Variants in ANK3 observed in about 807,000 individuals in gnomAD.
The protein encoded by ANK3 is ankyrin 3.
In ANK3, 57 loss-of-function variants were observed where a neutral mutation model predicts 370.9. The ratio of observed to expected loss-of-function variants is 0.15; its 90% CI spans 0.12 to 0.19. ANK3 has a LOEUF of 0.19. Ranked by LOEUF, ANK3 falls within the 10% of genes least tolerant of loss-of-function variation. The probability of loss-of-function intolerance (pLI) is 1.00; values close to 1 mark genes in which losing one functional copy is unlikely to be tolerated. For synonymous variants in ANK3, 1,929 were observed against 1,946.3 expected, an observed-to-expected ratio of 0.99 and a Z score of 0.23; for missense variants, 4,439 against 5,302.1, an observed-to-expected ratio of 0.84 and a Z score of 5.06.
intron 27 of ANK3, among the ~76,000 whole-genome samples, chr10:60,107,063 T>C (rs1418279255): frequency 6.6e-6 from 1 of 152,110 alleles, no homozygotes; most frequent in Non-Finnish European, 1.5e-5. Flanking sequence ...GATCAAATAA[T>C]ATAAATAAAA....
At position 60,072,241 on chromosome 10, in the gene ANK3, C is replaced by T. The variant is rs752380515; in HGVS notation, c.8640G>A (p.Glu2880=). 7.4e-6 allele frequency: 12 copies of T among 1,613,936 alleles called. No homozygotes were observed. The highest frequency in any genetic ancestry group is 1.7e-5 in the Admixed American group (1 of 59,984). Residue 2880 remains glutamate, a synonymous_variant, in exon 37 of 44, where the codon GAG becomes GAA. Transcript: ENST00000280772. ...TACTCTCAGGGTGACCAATGTGATTCTCTCTTACATCATGAACAAGTACAT... is the reference window on the plus strand; with the variant it reads ...TACTCTCAGGGTGACCAATGTGATTTTCTCTTACATCATGAACAAGTACAT... ...LSHVLVHDVR[E]NHIGHPESKS... is the part of the protein sequence containing the mutation.
chr10:60,574,663 T>C (rs1459660328), intron 2 of ANK3, among the ~76,000 whole-genome samples: 1 of 152,226 alleles, frequency 6.6e-6, no homozygotes, highest in Non-Finnish European at 1.5e-5. Flanking sequence ...CTACCGCTCA[T>C]TGACTTCAAT....
chr10:60,716,186 G>GT (rs1460178697), intron 1 of ANK3, among the ~76,000 whole-genome samples: 2 of 134,166 alleles, frequency 1.5e-5, no homozygotes, highest in Non-Finnish European at 3.3e-5. Context: ...ATCCAAGAAA[G>GT]TTAAAAAAAA....
chr10:60,693,040 T>C (rs923913579), intron 1 of ANK3, among the ~76,000 whole-genome samples: 2 of 152,172 alleles, frequency 1.3e-5, no homozygotes, highest in Admixed American at 6.5e-5. Flanking sequence ...GGTCAGTGGG[T>C]GCAGTGCACC....
intron 26 of ANK3, among the ~76,000 whole-genome samples, chr10:60,113,336 C>A (rs1391017976): frequency 6.6e-6 from 1 of 152,038 alleles, no homozygotes; most frequent in Admixed American, 6.6e-5. Context: ...AAAGGAAAAT[C>A]ACACAAATCA....
intron 18 of ANK3, among the ~76,000 whole-genome samples, chr10:60,174,931 G>C (rs1373300214): frequency 6.6e-6 from 1 of 152,020 alleles, no homozygotes; most frequent in African/African-American, 2.4e-5. Flanking sequence ...TGTTGCCTAG[G>C]CTGGTCTCAA....
chr10:60,257,870 C>T (rs77470191), intron 7 of ANK3, among the ~76,000 whole-genome samples: 8,093 of 152,230 alleles, frequency 0.053, 364 homozygotes, highest in African/African-American at 0.12. Flanking sequence ...GCAAGACTAA[C>T]AGAAGAATGC....
At chr10:60,439,372 A>G (rs1340235045) in intron 2 of ANK3, among the ~76,000 whole-genome samples, 1 of 152,168 alleles carries the variant, frequency 6.6e-6, no homozygotes. Context: ...AATAACACAT[A>G]ATAGGCTGGG....
intron 1 of ANK3, among the ~76,000 whole-genome samples, chr10:60,620,778 C>G (rs538496526): frequency 9.9e-5 from 15 of 151,924 alleles, no homozygotes; most frequent in Non-Finnish European, 1.6e-4. Context: ...ACCACTTGTT[C>G]TTTTAAAGTA....
At chr10:60,671,237 T>A (rs567700241) in intron 1 of ANK3, among the ~76,000 whole-genome samples, 2 of 152,342 alleles carry the variant, frequency 1.3e-5, no homozygotes, top group East Asian at 3.9e-4. Context: ...CCTCCCCACC[T>A]GTCCCTCACC....
intron 2 of ANK3, among the ~76,000 whole-genome samples, chr10:60,439,253 T>G (rs1375561308): frequency 6.6e-6 from 1 of 152,234 alleles, no homozygotes; most frequent in South Asian, 2.1e-4. Flanking sequence ...GGTGGCTCCC[T>G]GTAGCTAACT....
intron 8 of ANK3, among the ~76,000 whole-genome samples, chr10:60,234,048 G>A (rs1275413370): frequency 6.6e-6 from 1 of 152,062 alleles, no homozygotes; most frequent in South Asian, 2.1e-4. Context: ...TGTCCTCAAG[G>A]TTCATCAATG....
intron 2 of ANK3, among the ~76,000 whole-genome samples, chr10:60,419,068 G>A (rs986940825): frequency 2.6e-5 from 4 of 152,054 alleles, no homozygotes; most frequent in African/African-American, 9.7e-5. Context: ...GTCTTAAATG[G>A]CTAATGTGTG....
chr10:60,162,011 A>G (rs1320765005), intron 23 of ANK3, among the ~76,000 whole-genome samples: 1 of 152,192 alleles, frequency 6.6e-6, no homozygotes, highest in South Asian at 2.1e-4. Flanking sequence ...TCAAAATATC[A>G]CATATACCCC....
At position 60,512,189 on chromosome 10, in the gene ANK3, A is replaced by G. The variant is rs370585749; in HGVS notation, c.96+102997T>C. On this transcript the variant is annotated intron_variant, in intron 2 of 43. Transcript: ENST00000373827. ...ATTTTCATCTCCCAGAAGTCAGGGA[A>G]GTAAATAAAACAAAACAAAAACCAA... Among the ~76,000 whole-genome samples, 27 of 152,256 alleles carry G rather than the reference A, an allele frequency of 1.8e-4. 1 individual carries two copies. Among genetic ancestry groups the G allele is most frequent in the Middle Eastern group, 3.4e-3 (1 of 294 alleles).
chr10:60,523,653 T>C (rs2076403454), intron 2 of ANK3, among the ~76,000 whole-genome samples: 1 of 152,060 alleles, frequency 6.6e-6, no homozygotes. Flanking sequence ...GTTGGACATT[T>C]GGGTTGGTTC....
chr10:60,648,639 G>A (rs1029872923), intron 1 of ANK3, among the ~76,000 whole-genome samples: 2 of 151,048 alleles, frequency 1.3e-5, no homozygotes, highest in African/African-American at 2.4e-5. Flanking sequence ...GTGTGGTGGC[G>A]TGTGCCTGTA....
At chr10:60,414,711 T>C (rs1003720021) in intron 2 of ANK3, among the ~76,000 whole-genome samples, 22 of 152,202 alleles carry the variant, frequency 1.4e-4, no homozygotes, top group African/African-American at 5.3e-4. Context: ...TATATATTAC[T>C]GGATGTCCAA....
chr10:60,616,367 A>G (rs2078267905), intron 1 of ANK3, among the ~76,000 whole-genome samples: 1 of 152,178 alleles, frequency 6.6e-6, no homozygotes, highest in Non-Finnish European at 1.5e-5. Flanking sequence ...AAAATCAATC[A>G]TAGTCCTACC....
Sources: gnomAD v4.1 joint callset for allele counts (sites outside exome capture counted in the v4.1 genomes callset) on GRCh38, gnomAD v4.1.1 for gene constraint, MANE v1.5 for transcripts, NCBI Gene and HGNC (gene_info 2026-07-23, HGNC 2026-07-21) for gene names.